The following SORCS3 variants were observed in gnomAD, a reference collection of about 807,000 sequenced individuals.
The protein encoded by SORCS3 is sortilin related VPS10 domain containing receptor 3, also known as VPS10 domain-containing receptor SorCS3.
Under a neutral mutation model 146.3 loss-of-function variants are expected in SORCS3, and 57 were observed. The observed-to-expected ratio is 0.39, with a 90% CI of 0.31 to 0.49. The LOEUF (loss-of-function observed/expected upper bound fraction) is 0.49. SORCS3 is among the 20% of genes least tolerant of loss of function. The probability of loss-of-function intolerance (pLI) is 0.92; values close to 1 mark genes in which losing one functional copy is unlikely to be tolerated. For synonymous variants in SORCS3, 653 were observed against 618.5 expected (o/e 1.06, Z -0.83); for missense variants, 1,341 against 1,575.5 (o/e 0.85, Z 2.52).
rs187023374 is a variant in SORCS3 at position 104,946,336 on chromosome 10, C to T, written c.795+30404C>T. 2.9e-3 allele frequency among the ~76,000 whole-genome samples: 444 copies of T among 152,248 alleles called. 2 individuals are homozygous for T. Among genetic ancestry groups the T allele is most frequent in the South Asian group, 0.018 (89 of 4,816 alleles). ...CTTTGGGACCCCTCTGCACCCTCCT[C>T]CTCTGCTGTTGTCCCAGTTGGGTCA... On this transcript the variant is annotated intron_variant, in intron 3 of 26. Coordinates refer to ENST00000369701, the MANE Select transcript of SORCS3 (RefSeq NM_014978.3).
chr10:105,048,200 T>C (rs1354957953), intron 5 of SORCS3, among the ~76,000 whole-genome samples: 1 of 151,466 alleles, frequency 6.6e-6, no homozygotes, highest in Non-Finnish European at 1.5e-5. Flanking sequence ...ACCCAAAGGA[T>C]TATAAATCAT....
At chr10:105,129,236 C>T (rs1027709546) in intron 7 of SORCS3, among the ~76,000 whole-genome samples, 2 of 151,160 alleles carry the variant, frequency 1.3e-5, no homozygotes, top group African/African-American at 4.9e-5. Context: ...AAAACTTATA[C>T]AAGTATTGGA....
At chr10:104,799,584 A>G (rs1277755705) in intron 1 of SORCS3, among the ~76,000 whole-genome samples, 1 of 152,124 alleles carries the variant, frequency 6.6e-6, no homozygotes, top group Non-Finnish European at 1.5e-5. Context: ...CAGGAGAGAT[A>G]CCTAATGTAG....
At chr10:105,090,258 T>G (rs2133741082) in intron 6 of SORCS3, among the ~76,000 whole-genome samples, 1 of 152,306 alleles carries the variant, frequency 6.6e-6, no homozygotes, top group African/African-American at 2.4e-5. Context: ...AAACTGTTTA[T>G]TCATCCATTC....
chr10:105,177,081 C>T (rs531973968), intron 13 of SORCS3, among the ~76,000 whole-genome samples: 1 of 151,884 alleles, frequency 6.6e-6, no homozygotes, highest in Non-Finnish European at 1.5e-5. Context: ...GATCTCTGAA[C>T]TCGCAGAGTT....
intron 1 of SORCS3, among the ~76,000 whole-genome samples, chr10:104,836,342 A>C (rs2018067620): frequency 6.6e-6 from 1 of 152,166 alleles, no homozygotes; most frequent in African/African-American, 2.4e-5. Context: ...CCATTAAAAA[A>C]ATCACTTTAC....
At chr10:105,171,864 C>T (rs563171551) in intron 13 of SORCS3, among the ~76,000 whole-genome samples, 1 of 152,084 alleles carries the variant, frequency 6.6e-6, no homozygotes, top group South Asian at 2.1e-4. Context: ...GTCATAGACA[C>T]CTGAAGTAGG....
At chr10:104,876,439 GT>G (rs2018572352) in intron 2 of SORCS3, among the ~76,000 whole-genome samples, 1 of 152,142 alleles carries the variant, frequency 6.6e-6, no homozygotes, top group Non-Finnish European at 1.5e-5. Context: ...AAGCACAGAG[GT>G]TGTCTGGCAC....
intron 1 of SORCS3, among the ~76,000 whole-genome samples, chr10:104,778,547 A>G (rs867628412): frequency 1.3e-5 from 2 of 152,244 alleles, no homozygotes; most frequent in Non-Finnish European, 2.9e-5. Context: ...CAGTGAGCAT[A>G]CAATGAGATA....
At chr10:104,994,531 CTACAG>C (rs1029985875) in intron 4 of SORCS3, among the ~76,000 whole-genome samples, 20 of 152,172 alleles carry the variant, frequency 1.3e-4, no homozygotes, top group African/African-American at 4.8e-4. Flanking sequence ...GCAGTCATCA[CTACAG>C]TCAAGAATCT....
chr10:104,919,402 C>A (rs1031212942), intron 3 of SORCS3, among the ~76,000 whole-genome samples: 1 of 151,110 alleles, frequency 6.6e-6, no homozygotes, highest in Non-Finnish European at 1.5e-5. Context: ...TAGAAATTAA[C>A]GTTTGTAGCC....
At chr10:104,907,127 C>CTGTGTGTGTGTGTGTGTG (rs139418206) in intron 2 of SORCS3, among the ~76,000 whole-genome samples, 4 of 147,884 alleles carry the variant, frequency 2.7e-5, no homozygotes, top group African/African-American at 1.0e-4. Flanking sequence ...CTGTATAGTA[C>CTGTGTGTGTGTGTGTGTG]TGTGTGTGTG....
At chr10:104,796,133 G>A (rs1204247982) in intron 1 of SORCS3, among the ~76,000 whole-genome samples, 3 of 152,214 alleles carry the variant, frequency 2.0e-5, no homozygotes, top group Non-Finnish European at 4.4e-5. Flanking sequence ...TCTCCCAGAC[G>A]AGTAGAGCAC....
At chr10:104,644,883 C>T (rs1396123329) in intron 1 of SORCS3, among the ~76,000 whole-genome samples, 1 of 152,178 alleles carries the variant, frequency 6.6e-6, no homozygotes, top group African/African-American at 2.4e-5. Context: ...TCCATTCTGA[C>T]TGAGTTTACA....
chr10:105,078,570 G>T (rs572706594), intron 5 of SORCS3, among the ~76,000 whole-genome samples: 3 of 152,074 alleles, frequency 2.0e-5, no homozygotes, highest in African/African-American at 4.8e-5. Context: ...AAAGATTGAG[G>T]TCATATATCT....
intron 1 of SORCS3, among the ~76,000 whole-genome samples, chr10:104,817,136 T>C (rs1383040793): frequency 6.6e-6 from 1 of 152,178 alleles, no homozygotes; most frequent in Non-Finnish European, 1.5e-5. Context: ...TACAGTCATC[T>C]TGAAGGGGCC....
At chr10:105,164,441 C>G (rs972383566) in intron 12 of SORCS3, 62 bp downstream of exon 12, 39 of 1,112,858 alleles carry the variant, frequency 3.5e-5, no homozygotes, top group Non-Finnish European at 4.8e-5. Flanking sequence ...CAATCTCTCT[C>G]TCCATCCTAT....
intron 20 of SORCS3, among the ~76,000 whole-genome samples, chr10:105,245,017 C>G (rs977136921): frequency 6.9e-6 from 1 of 144,766 alleles, no homozygotes; most frequent in Non-Finnish European, 1.5e-5. Context: ...TGCAGTGAGC[C>G]GAGATCGCAT....
At chr10:105,133,446 G>C (rs957003448) in intron 7 of SORCS3, among the ~76,000 whole-genome samples, 2 of 152,154 alleles carry the variant, frequency 1.3e-5, no homozygotes, top group Non-Finnish European at 2.9e-5. Context: ...GGTTTATAAG[G>C]GTTCAGATGT....
Sources: gnomAD v4.1 joint callset for allele counts (sites outside exome capture counted in the v4.1 genomes callset) on GRCh38, gnomAD v4.1.1 for gene constraint, MANE v1.5 for transcripts, NCBI Gene and HGNC (gene_info 2026-07-23, HGNC 2026-07-21) for gene names.